The following P3H2 variants were observed in gnomAD, a reference collection of about 807,000 sequenced individuals.
P3H2 encodes leprecan-like 1.
P3H2 carries 80 observed loss-of-function variants against 87.0 expected under a neutral mutation model. The ratio of observed to expected loss-of-function variants is 0.92; its 90% CI spans 0.77 to 1.11. The LOEUF (loss-of-function observed/expected upper bound fraction) is 1.11, where lower values mean the gene tolerates loss of function less well. Ranked by LOEUF, P3H2 falls within the 50% of genes least tolerant of loss-of-function variation. The pLI is 0.00. For missense variants in P3H2, 1,001 were observed against 923.9 expected, an observed-to-expected ratio of 1.08 and a Z score of -1.08; for synonymous variants, 367 against 359.3, an observed-to-expected ratio of 1.02 and a Z score of -0.24.
intron 13 of P3H2, among the ~76,000 whole-genome samples, chr3:189,965,784 G>C (rs970262580): frequency 2.0e-5 from 3 of 152,034 alleles, no homozygotes; most frequent in Non-Finnish European, 4.4e-5. Context: ...TCAGGAGTTT[G>C]AGACCAGCCT....
Position 189,983,093 on chromosome 3 carries a change from G to A in P3H2, c.1277C>T (p.Ser426Leu). 1.2e-6 allele frequency: 2 copies of A among 1,613,828 alleles called. No homozygotes were observed. The highest frequency in any genetic ancestry group is 1.1e-5 in the South Asian group (1 of 91,066). The change falls in exon 8 of 15, where the codon TCA (serine) becomes TTA (leucine). Residue 426 changes from serine to leucine, a missense_variant. Transcript: ENST00000319332. ...NVEGAEVHGF[S>L]MGKKLSPKID... ...CTTGGGTGATAGCTTTTTTCCCATT[G>A]AGAATCCATGAACTTCTGCTCCCTC...
At chr3:190,098,653 T>C (rs1437334783) in intron 1 of P3H2, among the ~76,000 whole-genome samples, 1 of 152,164 alleles carries the variant, frequency 6.6e-6, no homozygotes, top group Non-Finnish European at 1.5e-5. Flanking sequence ...TTGAGTAACT[T>C]GCCCCAAATC....
At chr3:190,106,629 T>C (rs1418190819) in intron 1 of P3H2, among the ~76,000 whole-genome samples, 1 of 152,172 alleles carries the variant, frequency 6.6e-6, no homozygotes, top group Non-Finnish European at 1.5e-5. Flanking sequence ...CTGATTCACG[T>C]AGACAAGTTT....
At chr3:190,063,187 A>T (rs1180913967) in intron 1 of P3H2, among the ~76,000 whole-genome samples, 2 of 152,172 alleles carry the variant, frequency 1.3e-5, no homozygotes, top group South Asian at 2.1e-4. Flanking sequence ...GGTGTACACA[A>T]CTACTGGTAA....
In P3H2 at chr3:189,957,690, T is replaced by C. The variant is rs1015163322; in HGVS notation, c.*222A>G. ...TATCCTAGACAACATGGTTAGACCA[T>C]GTCTCTAAGAAGAGAGAGAGAGAGA... On this transcript the variant is annotated 3_prime_UTR_variant, in exon 15 of 15. Coordinates refer to ENST00000319332, the MANE Select transcript of P3H2 (RefSeq NM_018192.4). 9.9e-6 allele frequency: 5 copies of C among 507,396 alleles called. No homozygotes were observed. Among genetic ancestry groups the C allele is most frequent in the African/African-American group, 6.9e-5 (3 of 43,640 alleles). 31.4% of individuals were successfully genotyped at this position (507,396 alleles called of 1,614,324 possible). A position where few individuals can be genotyped will look rare whatever the true frequency, so the allele number is the denominator to read the frequency against.
At chr3:190,045,643 G>C (rs1281031910) in intron 1 of P3H2, among the ~76,000 whole-genome samples, 1 of 152,078 alleles carries the variant, frequency 6.6e-6, no homozygotes, top group Non-Finnish European at 1.5e-5. Flanking sequence ...TTGTAAATAT[G>C]AGTAAAGTCC....
At chr3:190,087,465 A>C (rs1469327285) in intron 1 of P3H2, among the ~76,000 whole-genome samples, 1 of 148,706 alleles carries the variant, frequency 6.7e-6, no homozygotes, top group East Asian at 2.0e-4. Context: ...AATGGCGTGA[A>C]CCTGGGAGGC....
intron 1 of P3H2, chr3:190,116,732 G>C (rs547361373): frequency 6.6e-6 from 1 of 152,272 alleles, no homozygotes; most frequent in East Asian, 1.9e-4. Flanking sequence ...AATGATAAAA[G>C]CTATATATTA....
chr3:189,982,784 C>A (rs1050396938), intron 8 of P3H2, among the ~76,000 whole-genome samples: 2 of 152,176 alleles, frequency 1.3e-5, no homozygotes, highest in Non-Finnish European at 2.9e-5. Flanking sequence ...GATGACCATG[C>A]AAGTTTCCTT....
At position 190,051,290 on chromosome 3, in the gene P3H2, T is replaced by C. The variant is rs1327125621; in HGVS notation, c.481-55848A>G. Among the ~76,000 whole-genome samples the C allele has an allele frequency of 2.6e-5, 4 of 152,252 alleles. No individual in the cohort carries two copies. In the East Asian group the frequency reaches 5.8e-4, roughly 22 times the overall value. On this transcript the variant is annotated intron_variant, in intron 1 of 14. Transcript: ENST00000319332. ...TTTTGTCAGGATGATGAACAACCAA[T>C]ACAAAATAACATTTGTTTTTTCTCT...
chr3:189,972,678 G>A (rs1229760415), intron 11 of P3H2, among the ~76,000 whole-genome samples, 196 bp downstream of exon 11: 1 of 152,064 alleles, frequency 6.6e-6, no homozygotes, highest in Non-Finnish European at 1.5e-5. Context: ...TTCAGAACGA[G>A]GGTTTTCTGG....
At chr3:190,050,892 A>G (rs1447939) in intron 1 of P3H2, among the ~76,000 whole-genome samples, 124,341 of 152,112 alleles carry the variant, frequency 0.82, 51,015 homozygotes, top group East Asian at 0.88. Context: ...CTTGATACCA[A>G]GTAAATTGTT....
chr3:190,120,166 C>T, intron 1 of P3H2, 86 bp downstream of exon 1: 1 of 1,484,490 alleles, frequency 6.7e-7, no homozygotes, highest in South Asian at 1.2e-5. Context: ...AAAGACTGAA[C>T]AGAGATGACG....
chr3:190,041,092 TATATATATATATATA>T (rs557603411), intron 1 of P3H2, among the ~76,000 whole-genome samples: 5,409 of 29,994 alleles, frequency 0.18, 756 homozygotes, highest in African/African-American at 0.47. Context: ...TCTCTCTCTC[TATATATATATATATA>T]CTATATATAT....
intron 1 of P3H2, among the ~76,000 whole-genome samples, chr3:190,057,606 G>A (rs1726198882): frequency 6.7e-6 from 1 of 150,280 alleles, no homozygotes; most frequent in Non-Finnish European, 1.5e-5. Flanking sequence ...ATAATGGTGT[G>A]GACGCTGAGA....
chr3:190,088,065 C>T (rs1468139670), intron 1 of P3H2, among the ~76,000 whole-genome samples: 1 of 151,944 alleles, frequency 6.6e-6, no homozygotes, highest in Non-Finnish European at 1.5e-5. Flanking sequence ...AAGGTAAGCG[C>T]AACAGAGACC....
intron 1 of P3H2, among the ~76,000 whole-genome samples, chr3:190,079,455 T>C (rs113534003): frequency 0.012 from 1,902 of 152,290 alleles, 46 homozygotes; most frequent in African/African-American, 0.043. Flanking sequence ...ATTGAGTTAG[T>C]ATATGTAAGC....
chr3:190,109,683 T>G (rs896232967), intron 1 of P3H2, among the ~76,000 whole-genome samples: 5 of 152,296 alleles, frequency 3.3e-5, no homozygotes, highest in South Asian at 2.1e-4. Flanking sequence ...CTTTGCATCT[T>G]GAAGAGAGAA....
intron 1 of P3H2, among the ~76,000 whole-genome samples, chr3:190,048,294 G>A (rs575491522): frequency 4.6e-4 from 70 of 152,190 alleles, no homozygotes; most frequent in African/African-American, 1.5e-3. Context: ...TCAGGAGTTC[G>A]AGACCAGCCT....
Sources: allele counts gnomAD v4.1 joint callset (sites outside exome capture counted in the v4.1 genomes callset), GRCh38; gene constraint gnomAD v4.1.1; transcripts MANE v1.5; gene names NCBI Gene and HGNC (gene_info 2026-07-23, HGNC 2026-07-21).